The following EBF3 variants were observed in gnomAD, a reference collection of about 807,000 sequenced individuals.
EBF3 encodes transcription factor COE3.
EBF3 carries 18 observed loss-of-function variants against 77.1 expected under a neutral mutation model. The ratio of observed to expected loss-of-function variants is 0.23; its 90% CI spans 0.16 to 0.35. EBF3 has a LOEUF of 0.35. Among genes scored for constraint, EBF3 ranks in the 10% least tolerant of loss-of-function variants. The probability of loss-of-function intolerance (pLI) is 1.00; values close to 1 mark genes in which losing one functional copy is unlikely to be tolerated. For synonymous variants in EBF3, 350 were observed against 343.5 expected (o/e 1.02, Z -0.21); for missense variants, 558 against 860.0 (o/e 0.65, Z 4.39).
chr10:129,841,105 AATCT>A lies in EBF3; in HGVS notation c.1373-77_1373-74del. 6.4e-7 allele frequency: 1 copy of A among 1,557,056 alleles called. No homozygotes were observed. Among genetic ancestry groups the A allele is most frequent in the African/African-American group, 1.4e-5 (1 of 73,528 alleles). ...AGACACTTGGGGGGGGTTCCCCGAG[AATCT>A]ATATCATATATTAACATTGCTAATT... On this transcript the variant is annotated intron_variant, in intron 13 of 16. Coordinates refer to ENST00000440978, the MANE Select transcript of EBF3 (RefSeq NM_001375380.1). The surrounding 1 kb of genome is among the most constrained non-coding windows in gnomAD (Gnocchi z 4.6).
intron 4 of EBF3, among the ~76,000 whole-genome samples, chr10:129,959,837 G>A (rs1859356168): frequency 1.3e-5 from 2 of 152,040 alleles, no homozygotes; most frequent in Admixed American, 6.5e-5. Context: ...GCGCGGCCAC[G>A]TGCTCCTCGC....
Position 129,924,591 on chromosome 10 carries a change from C to G in EBF3, c.554+32667G>C, listed in dbSNP as rs552230399. 1.4e-4 allele frequency among the ~76,000 whole-genome samples: 22 copies of G among 152,280 alleles called. No individual in the cohort carries two copies. In the South Asian group the frequency reaches 4.6e-3, roughly 32 times the overall value. On this transcript the variant is annotated intron_variant, in intron 6 of 16. Transcript: ENST00000440978. ...CCTGAAATAATTAAAAATAGAACTA[C>G]CCTATGATTCAGCAATCCCACATCT...
At chr10:129,903,440 A>G (rs1854924659) in intron 6 of EBF3, among the ~76,000 whole-genome samples, 1 of 152,220 alleles carries the variant, frequency 6.6e-6, no homozygotes, top group Admixed American at 6.5e-5. Context: ...TTCCATAAGC[A>G]CCTGTGCTCA....
chr10:129,846,108 T>TTGTGTG (rs10530522), intron 11 of EBF3, among the ~76,000 whole-genome samples: 41,009 of 139,294 alleles, frequency 0.29, 7,471 homozygotes, highest in Non-Finnish European at 0.42. Flanking sequence ...ATTCTGGGCT[T>TTGTGTG]TGTGTGTGTG....
chr10:129,963,338 A>C lies in EBF3; in HGVS notation c.291+29T>G. ...GCCTGCCTCCCGCTTCTAGAAAGAGAGAGGGTGTGATCGTGTGTTTGCACT... is the reference window on the plus strand; with the variant it reads ...GCCTGCCTCCCGCTTCTAGAAAGAGCGAGGGTGTGATCGTGTGTTTGCACT... On this transcript the variant is annotated intron_variant, in intron 2 of 16. Transcript: ENST00000440978. This position sits in a 1 kb window ranked among gnomAD's most constrained non-coding sequence, Gnocchi z 7.1. 1 of 1,562,570 alleles carries C rather than the reference A, an allele frequency of 6.4e-7. No homozygotes were observed. Among genetic ancestry groups the C allele is most frequent in the Non-Finnish European group, 8.6e-7 (1 of 1,156,554 alleles).
chr10:129,869,000 C>A (rs1379439442), intron 8 of EBF3, among the ~76,000 whole-genome samples: 1 of 152,210 alleles, frequency 6.6e-6, no homozygotes, highest in African/African-American at 2.4e-5. Flanking sequence ...TGGGAGGTTA[C>A]CTTTGGTGCA....
At chr10:129,922,702 A>G (rs938238906) in intron 6 of EBF3, among the ~76,000 whole-genome samples, 7 of 152,206 alleles carry the variant, frequency 4.6e-5, no homozygotes, top group Non-Finnish European at 1.0e-4. Context: ...TAGGCAAACG[A>G]ACCCCTGCGT....
chr10:129,934,177 TC>T (rs1306733954), intron 6 of EBF3, among the ~76,000 whole-genome samples: 1 of 151,940 alleles, frequency 6.6e-6, no homozygotes, highest in Non-Finnish European at 1.5e-5. Context: ...ATCCCCCCTC[TC>T]CAGCCTCCTC....
At chr10:129,920,751 G>A (rs557456498) in intron 6 of EBF3, among the ~76,000 whole-genome samples, 19 of 152,256 alleles carry the variant, frequency 1.2e-4, no homozygotes, top group African/African-American at 3.4e-4. Flanking sequence ...CAGCAGGTGC[G>A]CTGCCAGATG....
At chr10:129,958,808 A>G in intron 5 of EBF3, 126 bp downstream of exon 5, 10 of 1,305,140 alleles carry the variant, frequency 7.7e-6, no homozygotes, top group Non-Finnish European at 1.0e-5. Context: ...CCTCGGGCCG[A>G]TTACATTTCA....
At chr10:129,939,469 T>C (rs75708578) in intron 6 of EBF3, among the ~76,000 whole-genome samples, 327 of 152,382 alleles carry the variant, frequency 2.1e-3, no homozygotes, top group Non-Finnish European at 3.9e-3. Context: ...CTCTGGGCAA[T>C]GTTCTGACTA....
chr10:129,951,295 T>C (rs1858658566), intron 6 of EBF3, among the ~76,000 whole-genome samples: 1 of 152,244 alleles, frequency 6.6e-6, no homozygotes, highest in African/African-American at 2.4e-5. Flanking sequence ...ACCCATGCCA[T>C]CCTAACACAA....
At position 129,875,188 on chromosome 10, in the gene EBF3, T is replaced by TTC. The variant is rs1491143562; in HGVS notation, c.637-1593_637-1592insGA. On this transcript the variant is annotated intron_variant, in intron 7 of 16. Transcript: ENST00000440978. ...TACATGTGCAAGTGATGGCTTCTTCTTTTTTTTTTTTTTTTTTTTTTTTTT... is the reference window on the plus strand; with the variant it reads ...TACATGTGCAAGTGATGGCTTCTTCTTCTTTTTTTTTTTTTTTTTTTTTTTTT... Among the ~76,000 whole-genome samples, 818 of 90,784 alleles carry TTC rather than the reference T, an allele frequency of 9.0e-3. 23 individuals carry two copies. Among genetic ancestry groups the TTC allele is most frequent in the African/African-American group, 0.03 (772 of 25,384 alleles). The allele number at this position is 90,784 out of a possible 152,430, so 59.6% of individuals were successfully genotyped here. A position where few individuals can be genotyped will look rare whatever the true frequency, so the allele number is the denominator to read the frequency against.
chr10:129,925,724 A>G (rs1421135792), intron 6 of EBF3, among the ~76,000 whole-genome samples: 1 of 151,968 alleles, frequency 6.6e-6, no homozygotes, highest in Non-Finnish European at 1.5e-5. Context: ...ATATATATTT[A>G]CCACACTAAG....
chr10:129,939,359 G>A (rs1857571646), intron 6 of EBF3, among the ~76,000 whole-genome samples: 1 of 152,186 alleles, frequency 6.6e-6, no homozygotes. Flanking sequence ...GCATGATCAT[G>A]CCAGTCTACA....
intron 6 of EBF3, among the ~76,000 whole-genome samples, chr10:129,925,793 T>C (rs1431937812): frequency 6.6e-6 from 1 of 152,008 alleles, no homozygotes; most frequent in African/African-American, 2.4e-5. Flanking sequence ...AACTGATGTT[T>C]CCAGGAGGTA....
At chr10:129,874,342 G>A (rs1852609457) in intron 7 of EBF3, among the ~76,000 whole-genome samples, 1 of 152,192 alleles carries the variant, frequency 6.6e-6, no homozygotes, top group Non-Finnish European at 1.5e-5. Flanking sequence ...TCACAGATCA[G>A]GCCCTCTTAA....
chr10:129,924,224 G>A (rs1389571974), intron 6 of EBF3, among the ~76,000 whole-genome samples: 2 of 152,132 alleles, frequency 1.3e-5, no homozygotes, highest in African/African-American at 4.8e-5. Flanking sequence ...AGAACAGCCT[G>A]GCCAACATGG....
intron 6 of EBF3, among the ~76,000 whole-genome samples, chr10:129,914,741 C>A (rs1182371647): frequency 6.6e-6 from 1 of 152,152 alleles, no homozygotes; most frequent in Non-Finnish European, 1.5e-5. Context: ...CATGGGAGAC[C>A]CTGGGAGGCT....
Sources: allele counts gnomAD v4.1 joint callset (sites outside exome capture counted in the v4.1 genomes callset), GRCh38; gene constraint gnomAD v4.1.1; non-coding constraint Gnocchi (gnomAD v3.1); transcripts MANE v1.5; gene names NCBI Gene and HGNC (gene_info 2026-07-23, HGNC 2026-07-21).